PRRC2B: variants seen among roughly 807,000 people sequenced by gnomAD.
PRRC2B encodes the protein proline rich coiled-coil 2B.
In PRRC2B, 68 loss-of-function variants were observed where a neutral mutation model predicts 242.3. That is an observed-to-expected ratio of 0.28 (90% CI 0.23 to 0.34). PRRC2B has a LOEUF of 0.34. PRRC2B is among the 10% of genes least tolerant of loss of function. PRRC2B has a pLI of 1.00. For missense variants in PRRC2B, 2,835 were observed against 2,954.8 expected (o/e 0.96, Z 0.94); for synonymous variants, 1,228 against 1,173.6 (o/e 1.05, Z -0.95).
chr9:131,453,990 A>G (rs1015678272), intron 9 of PRRC2B, among the ~76,000 whole-genome samples: 1 of 152,156 alleles, frequency 6.6e-6, no homozygotes, highest in African/African-American at 2.4e-5. Context: ...GAATGTTTCC[A>G]TCACTCAAAA....
chr9:131,394,825 G>A (rs1411025669), intron 1 of PRRC2B, among the ~76,000 whole-genome samples: 1 of 152,058 alleles, frequency 6.6e-6, no homozygotes, highest in Non-Finnish European at 1.5e-5. Flanking sequence ...TGGCGGCTGG[G>A]GGAGGGAGGC....
In PRRC2B at chr9:131,485,657, G is replaced by C. The variant is rs889066759; in HGVS notation, c.5759-428G>C. On this transcript the variant is annotated intron_variant, in intron 25 of 31. Coordinates refer to ENST00000683519, the MANE Select transcript of PRRC2B (RefSeq NM_013318.4). ...GAAGCGTGGGGGTTTTGAGGGCCCA[G>C]CTGCCAGTCTCAGTGATGTAATTCC... 5.6e-6 allele frequency: 3 copies of C among 536,590 alleles called. No homozygotes were observed. The African/African-American group carries it at 5.7e-5, about 10-fold the overall frequency. The allele number at this position is 536,590 out of a possible 1,614,324, so 33.2% of individuals were successfully genotyped here. A position where few individuals can be genotyped will look rare whatever the true frequency, so the allele number is the denominator to read the frequency against.
intron 11 of PRRC2B, among the ~76,000 whole-genome samples, chr9:131,459,929 A>G: frequency 6.8e-6 from 1 of 146,876 alleles, no homozygotes; most frequent in Non-Finnish European, 1.5e-5. Flanking sequence ...TGAGACCAGG[A>G]GTTCAAGACC....
intron 5 of PRRC2B, among the ~76,000 whole-genome samples, chr9:131,440,335 G>C (rs1211370431): frequency 6.6e-6 from 1 of 152,072 alleles, no homozygotes; most frequent in Non-Finnish European, 1.5e-5. Flanking sequence ...TTTTGAGACA[G>C]AGTCTTGCTT....
At chr9:131,452,839 G>A (rs191898112) in intron 9 of PRRC2B, among the ~76,000 whole-genome samples, 13 of 152,260 alleles carry the variant, frequency 8.5e-5, no homozygotes, top group Non-Finnish European at 1.8e-4. Context: ...CTTGTTTTAT[G>A]ACTAGGATAT....
rs1370906820 is a variant in PRRC2B at position 131,476,050 on chromosome 9, A to G, written c.3921A>G (p.Gln1307=). Residue 1307 remains glutamine (Q), a synonymous_variant, in exon 16 of 32, where the codon CAA becomes CAG. Transcript: ENST00000683519. The part of the protein sequence containing the change: ...RPFRRRRPPR[Q]DKPPRFRRLR... ...TCAGGAGAAGGCGCCCCCCACGCCA[A>G]GATAAGCCCCCTCGATTCCGGCGCC... The G allele has an allele frequency of 6.2e-7, 1 of 1,606,776 alleles. No individual in the cohort carries two copies. The highest frequency in any genetic ancestry group is 1.7e-5 in the Admixed American group (1 of 59,694).
rs143181940 is a variant in PRRC2B, at chr9:131,386,834, C to CAT, written c.-56+13115_-56+13116dup. ...TATATAATCATATATATATATAAGT[C>CAT]ATATATATATATAGGAGTTTATTAA... is the stretch of plus-strand genomic sequence containing the variant. On this transcript the variant is annotated intron_variant, in intron 1 of 1. Transcript: ENST00000682525. Among the ~76,000 whole-genome samples, 680 of 147,552 alleles carry CAT rather than the reference C, an allele frequency of 4.6e-3. 9 individuals are homozygous for CAT. The highest frequency in any genetic ancestry group is 0.013 in the African/African-American group (517 of 40,676).
chr9:131,385,288 C>T (rs531812506), intron 1 of PRRC2B, among the ~76,000 whole-genome samples: 3 of 149,514 alleles, frequency 2.0e-5, no homozygotes, highest in Non-Finnish European at 3.0e-5. Flanking sequence ...TGGCAGTGAG[C>T]TGAGATCGTG....
At chr9:131,435,458 T>TA (rs1250381404) in intron 3 of PRRC2B, among the ~76,000 whole-genome samples, 1 of 151,784 alleles carries the variant, frequency 6.6e-6, no homozygotes, top group African/African-American at 2.4e-5. Context: ...CTGCTAAAAA[T>TA]ACAAAAATTA....
At chr9:131,377,782 G>A (rs566485818) in intron 1 of PRRC2B, among the ~76,000 whole-genome samples, 1 of 152,220 alleles carries the variant, frequency 6.6e-6, no homozygotes, top group South Asian at 2.1e-4. Context: ...TTTAGACAAG[G>A]TCTTGCCCTC....
chr9:131,436,331 C>T (rs1428909298), intron 3 of PRRC2B, among the ~76,000 whole-genome samples: 2 of 152,184 alleles, frequency 1.3e-5, no homozygotes, highest in Non-Finnish European at 2.9e-5. Context: ...CCCCACTACA[C>T]TCCAGCCTGG....
chr9:131,488,101 G>T lies in PRRC2B; in HGVS notation c.6225+5G>T. 6.2e-7 allele frequency: 1 copy of T among 1,611,298 alleles called. No individual in the cohort carries two copies. ...TTGGACTCCCAGCTCCCACAGGTCA[G>T]GAATTCAGTCACTCTACCCAAAGCC... On this transcript the variant is annotated splice_donor_5th_base_variant and intron_variant, in intron 28 of 31. Transcript: ENST00000683519.
chr9:131,475,938 G>T lies in PRRC2B; in HGVS notation c.3809G>T (p.Gly1270Val). The T allele has an allele frequency of 6.2e-7, 1 of 1,613,918 alleles. No individual in the cohort carries two copies. Among genetic ancestry groups the T allele is most frequent in the South Asian group, 1.1e-5 (1 of 91,088 alleles). Reference sequence around the variant, plus strand: ...CACCCTGACGCATTTGGTGGCCGGGGCTTTGAGGACAGCCGCGCGGAGGAC... The same window carrying T: ...CACCCTGACGCATTTGGTGGCCGGGTCTTTGAGGACAGCCGCGCGGAGGAC... ...YRHPDAFGGR[G>V]FEDSRAEDKR... The change falls in exon 16 of 32, where the codon GGC (glycine) becomes GTC (valine). Residue 1270 changes from glycine (G) to valine (V), a missense_variant. Transcript: ENST00000683519.
At chr9:131,441,391 A>T (rs1838567202) in intron 5 of PRRC2B, among the ~76,000 whole-genome samples, 1 of 152,062 alleles carries the variant, frequency 6.6e-6, no homozygotes, top group Admixed American at 6.6e-5. Flanking sequence ...ATAAAGCTTG[A>T]TGGAGAAAAT....
chr9:131,400,794 A>ACT (rs1215786777), intron 1 of PRRC2B, among the ~76,000 whole-genome samples: 1 of 151,850 alleles, frequency 6.6e-6, no homozygotes, highest in Non-Finnish European at 1.5e-5. Flanking sequence ...TTGAGGTCTT[A>ACT]CTCCATTTAC....
At chr9:131,395,095 T>C (rs897119185) in intron 1 of PRRC2B, among the ~76,000 whole-genome samples, 2 of 151,738 alleles carry the variant, frequency 1.3e-5, no homozygotes, top group Non-Finnish European at 2.9e-5. Context: ...TTTTCCTCCT[T>C]CTAAATATCG....
intron 28 of PRRC2B, chr9:131,490,874 T>C: frequency 3.1e-6 from 1 of 318,778 alleles, no homozygotes; most frequent in South Asian, 2.7e-5. Context: ...CTGACTTTCC[T>C]CACTCGTCCT....
rs542157594 is a variant in PRRC2B, at chr9:131,414,823, G to C, written c.-51-15271G>C. The stretch of plus-strand genomic sequence containing the variant: ...GACCTCAAGTGATCCACCCGCCTTG[G>C]CCTCCCAAAGTGCTGGGATTACAAG... On this transcript the variant is annotated intron_variant, in intron 1 of 31. Coordinates refer to ENST00000683519, the MANE Select transcript of PRRC2B (RefSeq NM_013318.4). Among the ~76,000 whole-genome samples, 582 of 152,158 alleles carry C rather than the reference G, an allele frequency of 3.8e-3. 5 individuals are homozygous for C. Among genetic ancestry groups the C allele is most frequent in the African/African-American group, 0.014 (561 of 41,516 alleles).
In PRRC2B at chr9:131,459,265, C is replaced by T. The variant is rs1943172726; in HGVS notation, c.1313C>T (p.Ala438Val). Reference protein sequence around the residue: ...TREEGKDWAEAVGASRVVRKA... With the variant: ...TREEGKDWAEVVGASRVVRKA... ...GAGGAAGGGAAGGACTGGGCTGAAG[C>T]AGTGGGTGCGTCCCGTGTGGTCCGA... Residue 438 changes from alanine (A) to valine (V), a missense_variant, in exon 11 of 32, where the codon GCA (alanine) becomes GTA (valine). Ala to Val is a moderately conservative substitution (Grantham distance 64). Transcript: ENST00000683519. 6.2e-7 allele frequency: 1 copy of T among 1,613,844 alleles called. No individual in the cohort carries two copies. Among genetic ancestry groups the T allele is most frequent in the Non-Finnish European group, 8.5e-7 (1 of 1,179,890 alleles).
Sources: gnomAD v4.1 joint callset for allele counts (sites outside exome capture counted in the v4.1 genomes callset) on GRCh38, gnomAD v4.1.1 for gene constraint, MANE v1.5 for transcripts, NCBI Gene and HGNC (gene_info 2026-07-23, HGNC 2026-07-21) for gene names.